Variants in LARP4B observed in about 807,000 individuals in gnomAD.
The protein encoded by LARP4B is la-related protein 4B.
LARP4B carries 12 observed loss-of-function variants against 89.8 expected under a neutral mutation model. The ratio of observed to expected loss-of-function variants is 0.13; its 90% confidence interval spans 0.09 to 0.22. LARP4B has a LOEUF of 0.22. LARP4B is among the 10% of genes least tolerant of loss of function. LARP4B has a pLI of 1.00. For synonymous variants in LARP4B, 367 were observed against 363.3 expected, an observed-to-expected ratio of 1.01 and a Z score of -0.12; for missense variants, 757 against 947.7, an observed-to-expected ratio of 0.80 and a Z score of 2.64.
At chr10:875,167 A>G (rs562577603) in intron 3 of LARP4B, among the ~76,000 whole-genome samples, 1 of 152,362 alleles carries the variant, frequency 6.6e-6, no homozygotes, top group East Asian at 1.9e-4. Context: ...GAAAGGACAT[A>G]GTAAAGCAGA....
At chr10:887,707 T>A (rs181313476) in intron 1 of LARP4B, among the ~76,000 whole-genome samples, 3 of 151,300 alleles carry the variant, frequency 2.0e-5, no homozygotes, top group Admixed American at 2.0e-4. Flanking sequence ...TGAGACTCCA[T>A]CAAAACAATA....
intron 1 of LARP4B, among the ~76,000 whole-genome samples, chr10:886,584 G>A (rs1835864801): frequency 6.6e-6 from 1 of 152,096 alleles, no homozygotes; most frequent in Admixed American, 6.5e-5. Flanking sequence ...ATAGAAATTG[G>A]GATGTGTGTA....
chr10:814,948 G>C lies in LARP4B; in HGVS notation c.1818C>G (p.Pro606=). 1 of 1,591,892 alleles carries C rather than the reference G, an allele frequency of 6.3e-7. No homozygotes were observed. The change falls in exon 16 of 18, where the codon CCC becomes CCG. Residue 606 remains proline, a splice_region_variant and synonymous_variant. Transcript: ENST00000316157. The surrounding 1 kb of genome is among the most constrained non-coding windows in gnomAD (Gnocchi z 4.4). ...YERSPSPAHL[P]DDPKVAEKQR... is the part of the protein sequence containing the mutation. ...GCTGGAAGAACACCAATACTCACTC[G>C]GGTAAATGAGCTGGGGAGGGGGATC...
At chr10:942,945 CTTT>C in the LARP4B span, among the ~76,000 whole-genome samples, 2 of 132,850 alleles carry the variant, frequency 1.5e-5, no homozygotes, top group African/African-American at 2.8e-5. Context: ...AAGCTGACTT[CTTT>C]TTTTTTTTTT....
intron 2 of LARP4B, among the ~76,000 whole-genome samples, chr10:884,871 T>A (rs773938530): frequency 9.2e-5 from 14 of 152,234 alleles, no homozygotes; most frequent in Non-Finnish European, 1.8e-4. Context: ...GTGACTATAA[T>A]GTTATTAAAC....
intron 5 of LARP4B, among the ~76,000 whole-genome samples, chr10:845,295 A>G (rs1347748378): frequency 1.3e-5 from 2 of 152,230 alleles, no homozygotes; most frequent in Non-Finnish European, 2.9e-5. Flanking sequence ...TCATTAGCAG[A>G]GTTCAGCAGG....
chr10:847,439 ATAAG>A (rs2131753183), intron 5 of LARP4B, among the ~76,000 whole-genome samples: 1 of 152,230 alleles, frequency 6.6e-6, no homozygotes, highest in Non-Finnish European at 1.5e-5. Context: ...AAGAAACCAA[ATAAG>A]ACAGATGAAA....
the LARP4B span, among the ~76,000 whole-genome samples, chr10:967,016 T>TA: frequency 6.6e-6 from 1 of 152,220 alleles, no homozygotes; most frequent in Non-Finnish European, 1.5e-5. Flanking sequence ...AGGGATCTCA[T>TA]TCATCCACTT....
At chr10:928,293 A>T (rs1283668833) in intron 1 of LARP4B, among the ~76,000 whole-genome samples, 1 of 152,214 alleles carries the variant, frequency 6.6e-6, no homozygotes, top group African/African-American at 2.4e-5. Flanking sequence ...GATTGATGGT[A>T]ACACATCTAT....
the LARP4B span, among the ~76,000 whole-genome samples, chr10:960,496 C>A: frequency 6.6e-6 from 1 of 151,936 alleles, no homozygotes; most frequent in Non-Finnish European, 1.5e-5. Context: ...CATTTGAGGT[C>A]AGGAGTTTGA....
At chr10:890,862 G>A (rs2131952793) in intron 1 of LARP4B, among the ~76,000 whole-genome samples, 1 of 152,218 alleles carries the variant, frequency 6.6e-6, no homozygotes, top group South Asian at 2.1e-4. Context: ...CATTGTAAAA[G>A]AAACCTACAT....
chr10:845,438 C>A (rs1588899071), intron 5 of LARP4B, among the ~76,000 whole-genome samples: 1 of 152,116 alleles, frequency 6.6e-6, no homozygotes, highest in Admixed American at 6.5e-5. Context: ...ATTAAAACAA[C>A]AACAACAAAG....
chr10:892,603 G>A (rs1438528584), intron 1 of LARP4B, among the ~76,000 whole-genome samples: 3 of 150,672 alleles, frequency 2.0e-5, no homozygotes, highest in African/African-American at 2.4e-5. Context: ...GCAGTGGCGC[G>A]ATCTCAGCTC....
chr10:982,001 G>A, the LARP4B span, among the ~76,000 whole-genome samples: 2 of 151,922 alleles, frequency 1.3e-5, no homozygotes, highest in Non-Finnish European at 2.9e-5. Context: ...AGGCAGCAGG[G>A]TAAACATGCT....
intron 3 of LARP4B, chr10:873,518 T>C (rs1297802738): frequency 3.7e-6 from 2 of 538,724 alleles, no homozygotes; most frequent in Admixed American, 1.3e-4. Flanking sequence ...ATTTCCCAAA[T>C]TATATTTCAT....
chr10:967,499 T>A, the LARP4B span, among the ~76,000 whole-genome samples: 1 of 152,144 alleles, frequency 6.6e-6, no homozygotes, highest in Non-Finnish European at 1.5e-5. Context: ...AGAATAAAGA[T>A]ACATTTTTGG....
At chr10:939,638 A>G in the LARP4B span, among the ~76,000 whole-genome samples, 1 of 152,202 alleles carries the variant, frequency 6.6e-6, no homozygotes, top group African/African-American at 2.4e-5. Context: ...GGCCTGAGAA[A>G]AGGCTGCACT....
chr10:900,009 GAAAA>G (rs906640150), intron 1 of LARP4B, among the ~76,000 whole-genome samples: 1 of 140,292 alleles, frequency 7.1e-6, no homozygotes, highest in Non-Finnish European at 1.6e-5. Context: ...AAATTGATCA[GAAAA>G]AAAAAAAAAT....
chr10:854,101 TA>T (rs1403862896), intron 5 of LARP4B, among the ~76,000 whole-genome samples: 1 of 152,236 alleles, frequency 6.6e-6, no homozygotes, highest in Non-Finnish European at 1.5e-5. Flanking sequence ...TGCTCATCCA[TA>T]AGAAGCAAGT....
Sources: gnomAD v4.1 joint callset for allele counts (sites outside exome capture counted in the v4.1 genomes callset) on GRCh38, gnomAD v4.1.1 for gene constraint, Gnocchi (gnomAD v3.1) non-coding constraint, MANE v1.5 for transcripts, NCBI Gene and HGNC (gene_info 2026-07-23, HGNC 2026-07-21) for gene names.